PPP1R9A: variants seen among roughly 807,000 people sequenced by gnomAD.
PPP1R9A encodes the protein neurabin-1.
Under a neutral mutation model 141.9 loss-of-function variants are expected in PPP1R9A, and 59 were observed. The ratio of observed to expected loss-of-function variants is 0.42; its 90% CI spans 0.34 to 0.52. The LOEUF (loss-of-function observed/expected upper bound fraction) is 0.52, where lower values mean the gene tolerates loss of function less well. Among genes scored for constraint, PPP1R9A ranks in the 20% least tolerant of loss-of-function variants. The pLI is 0.10. For synonymous variants in PPP1R9A, 500 were observed against 569.7 expected (o/e 0.88, Z 1.74); for missense variants, 1,444 against 1,611.9 (o/e 0.90, Z 1.78).
At chr7:95,030,693 A>G (rs987312329) in intron 2 of PPP1R9A, among the ~76,000 whole-genome samples, 2 of 152,148 alleles carry the variant, frequency 1.3e-5, no homozygotes, top group Admixed American at 6.5e-5. Context: ...AACGTTGCCT[A>G]CCTACATGCA....
intron 2 of PPP1R9A, among the ~76,000 whole-genome samples, chr7:95,077,563 A>G (rs1413131928): frequency 6.6e-6 from 1 of 152,194 alleles, no homozygotes; most frequent in Non-Finnish European, 1.5e-5. Context: ...AGGAAAAAAT[A>G]ATTTTTCCTA....
At chr7:95,206,263 G>A (rs1333923207) in intron 7 of PPP1R9A, among the ~76,000 whole-genome samples, 2 of 152,154 alleles carry the variant, frequency 1.3e-5, no homozygotes, top group Non-Finnish European at 2.9e-5. Flanking sequence ...AGATGGTAAA[G>A]CTGCTTTATC....
intron 2 of PPP1R9A, among the ~76,000 whole-genome samples, chr7:95,004,859 A>G (rs944309699): frequency 1.3e-5 from 2 of 152,236 alleles, no homozygotes; most frequent in East Asian, 3.8e-4. Context: ...GGAAGGACAC[A>G]CTACAAATGA....
intron 8 of PPP1R9A, among the ~76,000 whole-genome samples, chr7:95,246,604 C>T (rs922594408): frequency 4.6e-5 from 7 of 152,298 alleles, no homozygotes; most frequent in Non-Finnish European, 8.8e-5. Flanking sequence ...GTAGAAGATA[C>T]ATCGTAACTA....
intron 6 of PPP1R9A, among the ~76,000 whole-genome samples, 168 bp from the exon 7 acceptor site, chr7:95,203,497 G>T (rs1790026695): frequency 6.6e-6 from 1 of 152,092 alleles, no homozygotes; most frequent in Non-Finnish European, 1.5e-5. Context: ...ATAATACTGA[G>T]AAACCAAGAG....
chr7:95,016,010 G>C (rs377161776), intron 2 of PPP1R9A, among the ~76,000 whole-genome samples: 12 of 152,166 alleles, frequency 7.9e-5, no homozygotes, highest in African/African-American at 2.9e-4. Flanking sequence ...CCATGATTGC[G>C]CTACTGCACT....
chr7:95,075,378 T>C (rs1814681854), intron 2 of PPP1R9A, among the ~76,000 whole-genome samples: 1 of 152,200 alleles, frequency 6.6e-6, no homozygotes, highest in Non-Finnish European at 1.5e-5. Flanking sequence ...TTCTGCCCTC[T>C]TAAGTTCAGA....
At chr7:94,921,405 C>T (rs1470436319) in intron 2 of PPP1R9A, among the ~76,000 whole-genome samples, 4 of 151,082 alleles carry the variant, frequency 2.6e-5, no homozygotes, top group Non-Finnish European at 5.9e-5. Flanking sequence ...TGAGAGGGCG[C>T]CACTGCACTC....
intron 7 of PPP1R9A, among the ~76,000 whole-genome samples, chr7:95,213,454 G>C (rs1792587027): frequency 6.6e-6 from 1 of 151,156 alleles, no homozygotes; most frequent in Admixed American, 6.6e-5. Flanking sequence ...CCAAGTAGCT[G>C]GGATTACAGG....
In PPP1R9A at chr7:95,268,257, T is replaced by G. The variant is rs1170240873; in HGVS notation, c.2666-293T>G. ...TCCCAACATGCATACACATAAATAGTAAATACAAATTAGTGATTTTTATAA... is the reference window on the plus strand; with the variant it reads ...TCCCAACATGCATACACATAAATAGGAAATACAAATTAGTGATTTTTATAA... On this transcript the variant is annotated intron_variant, in intron 12 of 19. Coordinates refer to ENST00000433360, the MANE Select transcript of PPP1R9A (RefSeq NM_001166160.2). Among the ~76,000 whole-genome samples the G allele has an allele frequency of 2.0e-5, 3 of 152,172 alleles. No individual in the cohort carries two copies. The East Asian group carries it at 5.8e-4, about 29-fold the overall frequency.
rs1295205845 is a variant in PPP1R9A, at chr7:95,078,276, C to T, written c.1396-32983C>T. 5.3e-5 allele frequency among the ~76,000 whole-genome samples: 8 copies of T among 151,670 alleles called. No individual in the cohort carries two copies. The East Asian group carries it at 1.6e-3, about 29-fold the overall frequency. On this transcript the variant is annotated intron_variant, in intron 2 of 19. Coordinates refer to ENST00000433360, the MANE Select transcript of PPP1R9A (RefSeq NM_001166160.2). ...ATAGTTTACTGACAATGATGATTTC[C>T]AATTTCATCCATGTCCCTACAAAGG...
intron 5 of PPP1R9A, among the ~76,000 whole-genome samples, chr7:95,181,683 CCGT>C (rs1585117353): frequency 8.0e-6 from 1 of 124,938 alleles, no homozygotes; most frequent in Non-Finnish European, 1.6e-5. Context: ...TATATATATT[CCGT>C]CACATATATA....
chr7:95,242,959 CT>C (rs998490299), intron 8 of PPP1R9A, among the ~76,000 whole-genome samples: 2 of 152,134 alleles, frequency 1.3e-5, no homozygotes, highest in African/African-American at 4.8e-5. Context: ...TGGACCTGTA[CT>C]TTGAAAAGGT....
intron 6 of PPP1R9A, among the ~76,000 whole-genome samples, chr7:95,203,035 G>A (rs1260260469): frequency 1.3e-5 from 2 of 151,958 alleles, no homozygotes; most frequent in Non-Finnish European, 2.9e-5. Context: ...TTCATAAGAA[G>A]GTTAATCATC....
chr7:95,061,344 C>T (rs1812204278), intron 2 of PPP1R9A, among the ~76,000 whole-genome samples: 1 of 152,162 alleles, frequency 6.6e-6, no homozygotes, highest in African/African-American at 2.4e-5. Context: ...AAGTGATATT[C>T]TAATTGCAGT....
chr7:95,168,849 A>G (rs1281044273), intron 5 of PPP1R9A, among the ~76,000 whole-genome samples: 5 of 152,100 alleles, frequency 3.3e-5, no homozygotes, highest in Non-Finnish European at 7.4e-5. Flanking sequence ...CGCTTACCCC[A>G]ATTAGAATGG....
intron 5 of PPP1R9A, among the ~76,000 whole-genome samples, chr7:95,189,597 C>A (rs1254080410): frequency 6.6e-6 from 1 of 151,018 alleles, no homozygotes; most frequent in Non-Finnish European, 1.5e-5. Context: ...CCACTACGCC[C>A]GGCTAATTTT....
rs571607201 is a variant in PPP1R9A, at chr7:95,236,108, A to G, written c.2112+9992A>G. ...CACTAAAGAATTTTTTAATGTAACC[A>G]AACACCACCTGTTCCCCAAAAACCT... On this transcript the variant is annotated intron_variant, in intron 8 of 19. Transcript: ENST00000433360. 2.6e-5 allele frequency among the ~76,000 whole-genome samples: 4 copies of G among 152,300 alleles called. No individual in the cohort carries two copies. The East Asian group carries it at 7.7e-4, about 29-fold the overall frequency.
At chr7:95,039,082 A>G (rs1808848370) in intron 2 of PPP1R9A, among the ~76,000 whole-genome samples, 1 of 152,204 alleles carries the variant, frequency 6.6e-6, no homozygotes, top group Non-Finnish European at 1.5e-5. Flanking sequence ...AAGGCATGCC[A>G]AAGGCAAGAA....
Sources: gnomAD v4.1 joint callset for allele counts (sites outside exome capture counted in the v4.1 genomes callset) on GRCh38, gnomAD v4.1.1 for gene constraint, MANE v1.5 for transcripts, NCBI Gene and HGNC (gene_info 2026-07-23, HGNC 2026-07-21) for gene names.